The following LZTFL1 variants were observed in gnomAD, a reference collection of about 807,000 sequenced individuals.
LZTFL1 encodes leucine zipper transcription factor-like protein 1.
LZTFL1 carries 25 observed loss-of-function variants against 45.9 expected under a neutral mutation model. That is an observed-to-expected ratio of 0.54 (90% CI 0.40 to 0.76). The LOEUF (loss-of-function observed/expected upper bound fraction) is 0.76. Among genes scored for constraint, LZTFL1 ranks in the 30% least tolerant of loss-of-function variants. LZTFL1 has a pLI of 0.00. For synonymous variants in LZTFL1, 93 were observed against 117.4 expected (o/e 0.79, Z 1.35); for missense variants, 277 against 331.1 (o/e 0.84, Z 1.27).
rs568929897 is a variant in LZTFL1 at position 45,901,244 on chromosome 3, G to A, written c.-215+11876C>T. On this transcript the variant is annotated intron_variant, in intron 2 of 4. Coordinates refer to the LZTFL1 transcript ENST00000472635. The surrounding 1 kb of genome is among the most constrained non-coding windows in gnomAD (Gnocchi z 4.3). ...GGTACATTGCCATTGCCCAGGCCATGAGAGCACATACTTGGAGGGAGAAAA... is the reference window on the plus strand; with the variant it reads ...GGTACATTGCCATTGCCCAGGCCATAAGAGCACATACTTGGAGGGAGAAAA... The A allele has an allele frequency of 6.2e-6, 10 of 1,614,240 alleles. No individual in the cohort carries two copies. The South Asian group carries it at 9.9e-5, about 16-fold the overall frequency.
At chr3:45,853,235 C>T (rs1416486440) in intron 4 of LZTFL1, among the ~76,000 whole-genome samples, 2 of 152,046 alleles carry the variant, frequency 1.3e-5, no homozygotes, top group Non-Finnish European at 2.9e-5. Flanking sequence ...CTGGGCAGGT[C>T]CCATTCAGAT....
In LZTFL1 at chr3:45,833,043, A is replaced by G; in HGVS notation, c.456+7T>C. On this transcript the variant is annotated splice_region_variant and intron_variant, in intron 5 of 9. Transcript: ENST00000296135. ...AGACTTTCCGTTTCTCAAAATAATA[A>G]TATTACCTTGTTTAGGAGTTCTGCT... is the stretch of plus-strand genomic sequence containing the variant. 6.2e-7 allele frequency: 1 copy of G among 1,605,148 alleles called. No individual in the cohort carries two copies. Among genetic ancestry groups the G allele is most frequent in the Non-Finnish European group, 8.5e-7 (1 of 1,172,240 alleles).
intron 2 of LZTFL1, among the ~76,000 whole-genome samples, chr3:45,909,679 A>G (rs1702753781): frequency 1.3e-5 from 2 of 152,258 alleles, no homozygotes; most frequent in Admixed American, 1.3e-4. Flanking sequence ...CCACCACTCA[A>G]CAAAGGAACC....
rs79980308 is a variant in LZTFL1 at position 45,868,297 on chromosome 3, G to A, written c.-214-9281C>T. ...AAACTTGATTGAAACCACTCGCTTC[G>A]TAGAGTTGTGGTAGCAAACCATAAA... On this transcript the variant is annotated intron_variant, in intron 2 of 4. Coordinates refer to the LZTFL1 transcript ENST00000472635. Among the ~76,000 whole-genome samples, 303 of 151,426 alleles carry A rather than the reference G, an allele frequency of 2.0e-3. 8 individuals carry two copies. In the East Asian group the frequency reaches 0.057, roughly 28 times the overall value.
chr3:45,890,884 T>C (rs1457523588), intron 2 of LZTFL1, among the ~76,000 whole-genome samples: 1 of 152,180 alleles, frequency 6.6e-6, no homozygotes, highest in Non-Finnish European at 1.5e-5. Context: ...GTCTGAAGAA[T>C]GTTTAATGAT....
At chr3:45,913,053 C>A in intron 2 of LZTFL1, 1 of 1,424,728 alleles carries the variant, frequency 7.0e-7, no homozygotes, top group Non-Finnish European at 9.5e-7. Flanking sequence ...TTAGAGAAAA[C>A]CACTCCTACA....
At chr3:45,876,072 A>G (rs138161759) in intron 2 of LZTFL1, among the ~76,000 whole-genome samples, 2 of 152,368 alleles carry the variant, frequency 1.3e-5, no homozygotes, top group East Asian at 3.9e-4. Flanking sequence ...CGGGATTTGA[A>G]TAAGATAAAG....
intron 2 of LZTFL1, among the ~76,000 whole-genome samples, chr3:45,885,716 A>T (rs1398039400): frequency 6.6e-6 from 1 of 152,208 alleles, no homozygotes; most frequent in Non-Finnish European, 1.5e-5. Context: ...AAACTAGTTA[A>T]CACTTAAAAC....
At chr3:45,914,617 A>G (rs960931010) in intron 1 of LZTFL1, among the ~76,000 whole-genome samples, 6 of 152,146 alleles carry the variant, frequency 3.9e-5, no homozygotes, top group Non-Finnish European at 7.4e-5. Context: ...AAGCAAGAGA[A>G]CCTTCTCCTA....
At chr3:45,835,413 TA>T in intron 3 of LZTFL1, 176 bp downstream of exon 3, 2 of 583,676 alleles carry the variant, frequency 3.4e-6, no homozygotes. Flanking sequence ...AGAGAACTTT[TA>T]AAAGGGTGCT....
intron 2 of LZTFL1, among the ~76,000 whole-genome samples, chr3:45,867,133 G>A (rs1407488146): frequency 1.9e-5 from 2 of 106,130 alleles, no homozygotes; most frequent in Admixed American, 1.3e-4. Flanking sequence ...GGGTGACAGA[G>A]CAAGACTCAA....
intron 1 of LZTFL1, among the ~76,000 whole-genome samples, chr3:45,840,342 G>A (rs1253583465): frequency 6.6e-6 from 1 of 152,176 alleles, no homozygotes; most frequent in East Asian, 1.9e-4. Context: ...TATACTATAT[G>A]TATCTATGTC....
At position 45,901,568 on chromosome 3, in the gene LZTFL1, G is replaced by C; in HGVS notation, c.-215+11552C>G. On this transcript the variant is annotated intron_variant, in intron 2 of 4. Coordinates refer to the LZTFL1 transcript ENST00000472635. The surrounding 1 kb of genome is among the most constrained non-coding windows in gnomAD (Gnocchi z 4.3). ...CCCTAAAAGTGACCATCACTGTCCTGACCGTCTTTGTCTTGTCTCAGTTTC... is the reference window on the plus strand; with the variant it reads ...CCCTAAAAGTGACCATCACTGTCCTCACCGTCTTTGTCTTGTCTCAGTTTC... The C allele has an allele frequency of 6.2e-6, 10 of 1,614,188 alleles. No individual in the cohort carries two copies. The highest frequency in any genetic ancestry group is 8.5e-6 in the Non-Finnish European group (10 of 1,180,030).
chr3:45,906,240 C>T (rs1435564208), intron 2 of LZTFL1, among the ~76,000 whole-genome samples: 1 of 152,210 alleles, frequency 6.6e-6, no homozygotes, highest in East Asian at 1.9e-4. Flanking sequence ...CTCATTATAA[C>T]CTAAGCATTC....
At chr3:45,827,305 C>A (rs758037992) in intron 9 of LZTFL1, 51 bp downstream of exon 9, 1 of 1,338,088 alleles carries the variant, frequency 7.5e-7, no homozygotes. Context: ...TAACAGAGAA[C>A]AAACATCAAT....
chr3:45,833,594 G>C (rs1254346827), intron 4 of LZTFL1, among the ~76,000 whole-genome samples: 1 of 152,128 alleles, frequency 6.6e-6, no homozygotes, highest in African/African-American at 2.4e-5. Context: ...TAATATAGTA[G>C]TTTAGTAATA....
chr3:45,842,538 A>T (rs1701147876), upstream of LZTFL1, among the ~76,000 whole-genome samples: 1 of 152,010 alleles, frequency 6.6e-6, no homozygotes, highest in Non-Finnish European at 1.5e-5. Context: ...GGCCAACAAC[A>T]CCAATGCCAG....
In LZTFL1 at chr3:45,894,029, T is replaced by C. The variant is rs142677772; in HGVS notation, c.-215+19091A>G. ...TTTCGAGAACCTTGGGGTGTGATGC[T>C]GGACAGGTTTCCTTGAAATGTACTC... On this transcript the variant is annotated intron_variant, in intron 2 of 4. Transcript: ENST00000472635. Among the ~76,000 whole-genome samples the C allele has an allele frequency of 9.4e-3, 1,439 of 152,312 alleles. 26 individuals carry two copies. The highest frequency in any genetic ancestry group is 0.032 in the African/African-American group (1,326 of 41,572).
Position 45,824,336 on chromosome 3 carries a change from C to T in LZTFL1, c.*1978G>A, listed in dbSNP as rs980370848. 1 of 152,034 alleles carries T rather than the reference C, an allele frequency of 6.6e-6. No individual in the cohort carries two copies. Among genetic ancestry groups the T allele is most frequent in the Non-Finnish European group, 1.5e-5 (1 of 68,068 alleles). The allele number at this position is 152,034 out of a possible 1,614,324, so 9.4% of individuals were successfully genotyped here. ...TACTAAAAACAATAAAAATTTAAAA[C>T]TGTATTTTGCTAAAGGGTATAGAGT... On this transcript the variant is annotated 3_prime_UTR_variant, in exon 10 of 10. Transcript: ENST00000296135.
Sources: gnomAD v4.1 joint callset for allele counts (sites outside exome capture counted in the v4.1 genomes callset) on GRCh38, gnomAD v4.1.1 for gene constraint, Gnocchi (gnomAD v3.1) non-coding constraint, MANE v1.5 for transcripts, NCBI Gene and HGNC (gene_info 2026-07-23, HGNC 2026-07-21) for gene names.